The following CSMD3 variants were observed in gnomAD, a reference collection of about 807,000 sequenced individuals.
CSMD3 encodes the protein CUB and Sushi multiple domains 3.
CSMD3 carries 177 observed loss-of-function variants against 435.2 expected under a neutral mutation model. The ratio of observed to expected loss-of-function variants is 0.41; its 90% confidence interval spans 0.36 to 0.46. The LOEUF (loss-of-function observed/expected upper bound fraction) is 0.46. Among genes scored for constraint, CSMD3 ranks in the 20% least tolerant of loss-of-function variants. The pLI, the probability that CSMD3 is intolerant of heterozygous loss-of-function variation, is 0.34. For missense variants in CSMD3, 4,265 were observed against 4,504.6 expected (o/e 0.95, Z 1.52); for synonymous variants, 1,656 against 1,520.5 (o/e 1.09, Z -2.07).
rs530798131 is a variant in CSMD3 at position 112,432,952 on chromosome 8, G to A, written c.5396-23920C>T. Among the ~76,000 whole-genome samples, 8 of 151,826 alleles carry A rather than the reference G, an allele frequency of 5.3e-5. No individual in the cohort carries two copies. In the South Asian group the frequency reaches 1.7e-3, roughly 32 times the overall value. On this transcript the variant is annotated intron_variant, in intron 32 of 70. Transcript: ENST00000297405. ...GTTTGAATTTTTATAATGATATCAGGTGCTAAACTATTAATTTCCAAACAG... is the reference window on the plus strand; with the variant it reads ...GTTTGAATTTTTATAATGATATCAGATGCTAAACTATTAATTTCCAAACAG...
chr8:113,046,332 C>A (rs1564250113), intron 5 of CSMD3, among the ~76,000 whole-genome samples: 1 of 149,416 alleles, frequency 6.7e-6, no homozygotes, highest in Non-Finnish European at 1.5e-5. Context: ...CAAACAACAA[C>A]AACAAAACAA....
At chr8:113,107,377 G>A (rs2090510796) in intron 4 of CSMD3, among the ~76,000 whole-genome samples, 1 of 152,224 alleles carries the variant, frequency 6.6e-6, no homozygotes, top group Non-Finnish European at 1.5e-5. Context: ...AAAGTGCTGG[G>A]ATTACAGGTG....
At chr8:113,041,916 C>A (rs927206497) in intron 5 of CSMD3, among the ~76,000 whole-genome samples, 7 of 152,106 alleles carry the variant, frequency 4.6e-5, no homozygotes, top group Non-Finnish European at 7.4e-5. Flanking sequence ...TTTTCCTATG[C>A]AGCTGTCAGT....
At chr8:112,629,375 A>G (rs2074448727) in intron 22 of CSMD3, among the ~76,000 whole-genome samples, 1 of 151,966 alleles carries the variant, frequency 6.6e-6, no homozygotes, top group African/African-American at 2.4e-5. Context: ...ATAATTTTTT[A>G]TAGAGAAGGG....
chr8:112,896,893 C>T (rs1394014218), intron 10 of CSMD3, among the ~76,000 whole-genome samples: 1 of 151,308 alleles, frequency 6.6e-6, no homozygotes, highest in Non-Finnish European at 1.5e-5. Context: ...AAAAACCTGC[C>T]TCATCTGTCT....
chr8:112,523,680 T>C (rs954320666), intron 27 of CSMD3, among the ~76,000 whole-genome samples: 3 of 152,064 alleles, frequency 2.0e-5, no homozygotes, highest in Middle Eastern at 6.3e-3. Context: ...GAAATGCAGA[T>C]GGTAACCTAG....
At chr8:112,399,061 C>T (rs1329014681) in intron 35 of CSMD3, among the ~76,000 whole-genome samples, 1 of 151,616 alleles carries the variant, frequency 6.6e-6, no homozygotes, top group Non-Finnish European at 1.5e-5. Context: ...GAATTACAGG[C>T]ATGTGCCACC....
At chr8:113,032,385 G>A (rs10112779) in intron 5 of CSMD3, among the ~76,000 whole-genome samples, 2,177 of 151,498 alleles carry the variant, frequency 0.014, 80 homozygotes, top group African/African-American at 0.05. Context: ...GAACTGACTG[G>A]GAACTGGAGC....
chr8:113,053,043 T>G lies in CSMD3; in HGVS notation c.918-33864A>C, dbSNP rs145965916. On this transcript the variant is annotated intron_variant, in intron 5 of 70. Transcript: ENST00000297405. ...AATGTATCAATAAAACAGCCTGTAT[T>G]TTTTTCAATCAAGTCAATGACTAAT... Among the ~76,000 whole-genome samples, 276 of 152,264 alleles carry G rather than the reference T, an allele frequency of 1.8e-3. 1 individual carries two copies. The highest frequency in any genetic ancestry group is 6.5e-3 in the African/African-American group (271 of 41,552).
At chr8:112,970,141 A>C (rs1188467277) in intron 7 of CSMD3, among the ~76,000 whole-genome samples, 1 of 152,060 alleles carries the variant, frequency 6.6e-6, no homozygotes, top group Non-Finnish European at 1.5e-5. Flanking sequence ...TAAAATAGAT[A>C]ATTCTAGAAA....
chr8:113,232,421 G>A (rs975789338), intron 3 of CSMD3, among the ~76,000 whole-genome samples: 11 of 151,430 alleles, frequency 7.3e-5, no homozygotes, highest in Admixed American at 4.6e-4. Flanking sequence ...TAACGTGCAC[G>A]AAAATACATT....
chr8:112,621,749 A>G (rs766884313), intron 22 of CSMD3, among the ~76,000 whole-genome samples: 1 of 151,992 alleles, frequency 6.6e-6, no homozygotes, highest in African/African-American at 2.4e-5. Flanking sequence ...ATTTCTCAAC[A>G]TTGCTGAGCC....
chr8:112,661,612 C>T (rs564282826), intron 17 of CSMD3, among the ~76,000 whole-genome samples: 22 of 152,190 alleles, frequency 1.4e-4, no homozygotes, highest in African/African-American at 5.1e-4. Flanking sequence ...ATTAGCAAAT[C>T]AGCAGATGCT....
At chr8:112,953,200 A>G (rs1007097779) in intron 8 of CSMD3, among the ~76,000 whole-genome samples, 2 of 151,566 alleles carry the variant, frequency 1.3e-5, no homozygotes, top group African/African-American at 4.8e-5. Flanking sequence ...AAAATATTAG[A>G]AAAAAATGTA....
chr8:113,070,616 C>G (rs887007271), intron 5 of CSMD3, among the ~76,000 whole-genome samples: 2 of 151,866 alleles, frequency 1.3e-5, no homozygotes, highest in Non-Finnish European at 2.9e-5. Flanking sequence ...ATTTTTTCCA[C>G]CTCTGAACCC....
intron 4 of CSMD3, among the ~76,000 whole-genome samples, chr8:113,136,571 G>C (rs534945425): frequency 6.6e-6 from 1 of 151,652 alleles, no homozygotes; most frequent in African/African-American, 2.4e-5. Context: ...GAACATTCTA[G>C]ATTTATTAAA....
chr8:112,411,237 C>T (rs78670272), intron 32 of CSMD3, among the ~76,000 whole-genome samples: 2,492 of 150,782 alleles, frequency 0.017, 34 homozygotes, highest in Admixed American at 0.025. Context: ...GTTAATAATG[C>T]AGCCATTAAC....
chr8:113,385,570 T>C (rs781500078), intron 1 of CSMD3, among the ~76,000 whole-genome samples: 1 of 152,092 alleles, frequency 6.6e-6, no homozygotes, highest in Non-Finnish European at 1.5e-5. Flanking sequence ...TGGCTTTGAC[T>C]AACATTTTTT....
chr8:113,126,265 GC>G (rs1341941247), intron 4 of CSMD3, among the ~76,000 whole-genome samples: 4 of 151,760 alleles, frequency 2.6e-5, no homozygotes, highest in African/African-American at 9.7e-5. Context: ...ACACTACAAG[GC>G]CAGAATGAGA....
Sources: allele counts gnomAD v4.1 joint callset (sites outside exome capture counted in the v4.1 genomes callset), GRCh38; gene constraint gnomAD v4.1.1; transcripts MANE v1.5; gene names NCBI Gene and HGNC (gene_info 2026-07-23, HGNC 2026-07-21).